The following RNF144B variants were observed in gnomAD, a reference collection of about 807,000 sequenced individuals.
The protein encoded by RNF144B is ring finger protein 144B, also known as E3 ubiquitin-protein ligase RNF144B.
Under a neutral mutation model 40.2 loss-of-function variants are expected in RNF144B, and 25 were observed. The ratio of observed to expected loss-of-function variants is 0.62; its 90% confidence interval spans 0.45 to 0.87. The LOEUF is 0.87. Among genes scored for constraint, RNF144B ranks in the 40% least tolerant of loss-of-function variants. The pLI is 0.00. For synonymous variants in RNF144B, 145 were observed against 136.3 expected (o/e 1.06, Z -0.44); for missense variants, 365 against 373.7 (o/e 0.98, Z 0.19).
chr6:18,400,729 C>T lies in RNF144B; in HGVS notation c.165+1030C>T, dbSNP rs978961318. ...TATGTCCCAGGAATGGTTCTAGGCA[C>T]GAGGATTTATCAGTTAAGGAAACAA... On this transcript the variant is annotated intron_variant, in intron 2 of 7. Transcript: ENST00000259939. The surrounding 1 kb of genome is among the most constrained non-coding windows in gnomAD (Gnocchi z 5.6). Among the ~76,000 whole-genome samples the T allele has an allele frequency of 3.9e-5, 6 of 152,118 alleles. No homozygotes were observed. Among genetic ancestry groups the T allele is most frequent in the Admixed American group, 6.5e-5 (1 of 15,276 alleles).
rs1390006080 is a variant in RNF144B at position 18,392,073 on chromosome 6, T to C, written c.-37+4443T>C. ...AAAAAAAAAAAAAAATTAGGTGTGGTGGCAGGTGCCTGTAGTCCCAGCTAC... is the reference window on the plus strand; with the variant it reads ...AAAAAAAAAAAAAAATTAGGTGTGGCGGCAGGTGCCTGTAGTCCCAGCTAC... On this transcript the variant is annotated intron_variant, in intron 1 of 7. Coordinates refer to ENST00000259939, the MANE Select transcript of RNF144B (RefSeq NM_182757.4). Among the ~76,000 whole-genome samples, 3 of 128,096 alleles carry C rather than the reference T, an allele frequency of 2.3e-5. No homozygotes were observed. In the South Asian group the frequency reaches 7.6e-4, roughly 32 times the overall value. The allele number at this position is 128,096 out of a possible 152,430, so 84.0% of individuals were successfully genotyped here. A position where few individuals can be genotyped will look rare whatever the true frequency, so the allele number is the denominator to read the frequency against.
intron 4 of RNF144B, among the ~76,000 whole-genome samples, chr6:18,455,947 G>C (rs1178598890): frequency 1.3e-5 from 2 of 151,918 alleles, no homozygotes; most frequent in Admixed American, 6.6e-5. Flanking sequence ...TTTTGAGACG[G>C]AGTCTTGCTC....
rs1279918330 is a variant in RNF144B, at chr6:18,444,486, A to G, written c.331+4742A>G. Among the ~76,000 whole-genome samples, 1 of 152,090 alleles carries G rather than the reference A, an allele frequency of 6.6e-6. No individual in the cohort carries two copies. The highest frequency in any genetic ancestry group is 1.5e-5 in the Non-Finnish European group (1 of 68,014). ...ATAGTTTTTTTTTGAAAATTGGGTT[A>G]AGATGATCCATCTTGAGTTCTTACG... On this transcript the variant is annotated intron_variant, in intron 4 of 7. Coordinates refer to ENST00000259939, the MANE Select transcript of RNF144B (RefSeq NM_182757.4). The surrounding 1 kb of genome is among the most constrained non-coding windows in gnomAD (Gnocchi z 4.3).
intron 2 of RNF144B, among the ~76,000 whole-genome samples, chr6:18,417,145 A>G (rs1484311816): frequency 6.6e-6 from 1 of 152,170 alleles, no homozygotes; most frequent in Non-Finnish European, 1.5e-5. Flanking sequence ...GGATTGGAAG[A>G]CTTGTTAAGG....
At position 18,400,141 on chromosome 6, in the gene RNF144B, C is replaced by T. The variant is rs747199822; in HGVS notation, c.165+442C>T. Among the ~76,000 whole-genome samples, 29 of 151,886 alleles carry T rather than the reference C, an allele frequency of 1.9e-4. No individual in the cohort carries two copies. The highest frequency in any genetic ancestry group is 3.2e-4 in the Non-Finnish European group (22 of 67,960). On this transcript the variant is annotated intron_variant, in intron 2 of 7. Transcript: ENST00000259939. The surrounding 1 kb of genome is among the most constrained non-coding windows in gnomAD (Gnocchi z 5.6). ...AAAAGAAATTAGCTGGGCTTGGTGG[C>T]GGGCGCCTGTAGTCCCAGCTACTCG...
intron 2 of RNF144B, among the ~76,000 whole-genome samples, chr6:18,415,597 A>G (rs543692276): frequency 3.9e-5 from 6 of 152,186 alleles, no homozygotes; most frequent in African/African-American, 1.4e-4. Context: ...AGGGGACACC[A>G]TCATTCAAAT....
At chr6:18,394,829 T>G (rs1033476415) in intron 1 of RNF144B, among the ~76,000 whole-genome samples, 4 of 152,146 alleles carry the variant, frequency 2.6e-5, no homozygotes, top group African/African-American at 9.7e-5. Context: ...AATGAACACT[T>G]TATAGTGCAA....
rs1241710213 is a variant in RNF144B at position 18,439,666 on chromosome 6, T to G, written c.271-18T>G. 6.2e-7 allele frequency: 1 copy of G among 1,601,586 alleles called. No homozygotes were observed. Among genetic ancestry groups the G allele is most frequent in the Non-Finnish European group, 8.6e-7 (1 of 1,168,678 alleles). ...CTATGATGACTGAAGTCTCAACCTT[T>G]TATGTCTCTGGTTTCAGATTGCCTG... On this transcript the variant is annotated intron_variant, in intron 3 of 7. Transcript: ENST00000259939.
rs33972716 is a variant in RNF144B at position 18,453,137 on chromosome 6, C to CTTTTT, written c.332-4003_332-3999dup. Among the ~76,000 whole-genome samples, 13 of 103,368 alleles carry CTTTTT rather than the reference C, an allele frequency of 1.3e-4. 1 individual carries two copies. The highest frequency in any genetic ancestry group is 1.4e-4 in the African/African-American group (4 of 28,012). 67.8% of individuals were successfully genotyped at this position (103,368 alleles called of 152,430 possible). On this transcript the variant is annotated intron_variant, in intron 4 of 7. Coordinates refer to ENST00000259939, the MANE Select transcript of RNF144B (RefSeq NM_182757.4). ...GTTTCATTTATACTCTTTCTGTCTG[C>CTTTTT]TTTTTTTTTTTTTTTTTTTGAGATG...
Position 18,434,787 on chromosome 6 carries a change from A to G in RNF144B, c.271-4897A>G, listed in dbSNP as rs879765291. Among the ~76,000 whole-genome samples, 4 of 151,986 alleles carry G rather than the reference A, an allele frequency of 2.6e-5. No individual in the cohort carries two copies. Among genetic ancestry groups the G allele is most frequent in the African/African-American group, 9.7e-5 (4 of 41,394 alleles). ...CAGGCGCCTGCTACCACGCCCAGCT[A>G]ATTTTTTGTATTTTTAGTAGAGATG... On this transcript the variant is annotated intron_variant, in intron 3 of 7. Coordinates refer to ENST00000259939, the MANE Select transcript of RNF144B (RefSeq NM_182757.4). This position sits in a 1 kb window ranked among gnomAD's most constrained non-coding sequence, Gnocchi z 4.1.
At chr6:18,409,287 A>G (rs2113473877) in intron 2 of RNF144B, among the ~76,000 whole-genome samples, 1 of 147,436 alleles carries the variant, frequency 6.8e-6, no homozygotes, top group African/African-American at 2.5e-5. Context: ...CTGAGGCATG[A>G]GAACTGCTTG....
chr6:18,460,388 G>C lies in RNF144B; in HGVS notation c.681+637G>C, dbSNP rs993127888. ...AGATTGGGCCCATCAGGATAATGTA[G>C]GATAATCTCCTTTATCTCAAGGTTC... is the stretch of plus-strand genomic sequence containing the variant. On this transcript the variant is annotated intron_variant, in intron 6 of 7. Transcript: ENST00000259939. The surrounding 1 kb of genome is among the most constrained non-coding windows in gnomAD (Gnocchi z 4.4). Among the ~76,000 whole-genome samples, 6 of 152,064 alleles carry C rather than the reference G, an allele frequency of 3.9e-5. No homozygotes were observed. Among genetic ancestry groups the C allele is most frequent in the African/African-American group, 1.4e-4 (6 of 41,400 alleles).
chr6:18,464,962 C>T lies in RNF144B; in HGVS notation c.807C>T (p.Ala269=), dbSNP rs746621634. 1 of 1,613,922 alleles carries T rather than the reference C, an allele frequency of 6.2e-7. No individual in the cohort carries two copies. Among genetic ancestry groups the T allele is most frequent in the Non-Finnish European group, 8.5e-7 (1 of 1,179,924 alleles). The change falls in exon 8 of 8, where the codon GCC becomes GCT. Residue 269 remains alanine, a synonymous_variant. Transcript: ENST00000259939. The surrounding 1 kb of genome is among the most constrained non-coding windows in gnomAD (Gnocchi z 6.1). ...VGILVGLGII[A]LVTSPLLLLA... is the part of the protein sequence containing the mutation. The stretch of plus-strand genomic sequence containing the variant: ...TTCTCGTAGGCTTGGGCATCATTGC[C>T]TTGGTTACTTCACCCTTGTTACTCC...
intron 3 of RNF144B, among the ~76,000 whole-genome samples, chr6:18,437,256 T>C (rs1033101788): frequency 6.6e-6 from 1 of 152,058 alleles, no homozygotes; most frequent in African/African-American, 2.4e-5. Flanking sequence ...CTGGGCAACA[T>C]AGCGAGACCC....
intron 3 of RNF144B, among the ~76,000 whole-genome samples, chr6:18,429,321 TATAG>T (rs1758639872): frequency 6.7e-6 from 1 of 149,204 alleles, no homozygotes; most frequent in East Asian, 2.0e-4. Flanking sequence ...TGTGTGTGTG[TATAG>T]ATATATATAC....
rs1759547086 is a variant in RNF144B at position 18,465,031 on chromosome 6, G to A, written c.876G>A (p.Arg292=). ...CIICCVCKSC[R]GKKKKHDPST... ...TCTGTTGTGTCTGCAAGTCCTGTCG[G>A]GGCAAGAAGAAAAAGCACGACCCAT... Residue 292 remains arginine, a synonymous_variant, in exon 8 of 8, where the codon CGG becomes CGA. Transcript: ENST00000259939. 5 of 1,613,688 alleles carry A rather than the reference G, an allele frequency of 3.1e-6. No individual in the cohort carries two copies. The highest frequency in any genetic ancestry group is 4.5e-5 in the East Asian group (2 of 44,834).
intron 2 of RNF144B, among the ~76,000 whole-genome samples, chr6:18,426,926 C>T (rs1047396381): frequency 6.6e-6 from 1 of 151,766 alleles, no homozygotes; most frequent in Non-Finnish European, 1.5e-5. Context: ...TTTTCCTACT[C>T]CAACCTCCTT....
rs1758589004 is a variant in RNF144B at position 18,427,606 on chromosome 6, C to A, written c.191C>A (p.Ala64Glu). 1 of 1,613,580 alleles carries A rather than the reference C, an allele frequency of 6.2e-7. No homozygotes were observed. Among genetic ancestry groups the A allele is most frequent in the Non-Finnish European group, 8.5e-7 (1 of 1,179,664 alleles). ...TGCCTGAAACAGTACATGCAGCTGGCAATCCGAGAAGGATGTGGGTCTCCC... is the reference window on the plus strand; with the variant it reads ...TGCCTGAAACAGTACATGCAGCTGGAAATCCGAGAAGGATGTGGGTCTCCC... ...TACLKQYMQL[A>E]IREGCGSPIT... Residue 64 changes from alanine to glutamate, a missense_variant, in exon 3 of 8, where the codon GCA (alanine) becomes GAA (glutamate). Physicochemically the swap from Ala to Glu is moderately radical, Grantham distance 107. Transcript: ENST00000259939.
chr6:18,445,159 T>G (rs541863877), intron 4 of RNF144B, among the ~76,000 whole-genome samples: 1 of 152,304 alleles, frequency 6.6e-6, no homozygotes, highest in South Asian at 2.1e-4. Flanking sequence ...TTAACTCAAG[T>G]GCATGGTGTT....
Sources: gnomAD v4.1 joint callset for allele counts (sites outside exome capture counted in the v4.1 genomes callset) on GRCh38, gnomAD v4.1.1 for gene constraint, Gnocchi (gnomAD v3.1) non-coding constraint, MANE v1.5 for transcripts, NCBI Gene and HGNC (gene_info 2026-07-23, HGNC 2026-07-21) for gene names.